PDE4D: variants seen among roughly 807,000 people sequenced by gnomAD.
PDE4D encodes 3',5'-cyclic-AMP phosphodiesterase 4D.
Under a neutral mutation model 87.4 loss-of-function variants are expected in PDE4D, and 24 were observed. That is an observed-to-expected ratio of 0.27 (90% CI 0.20 to 0.39). The LOEUF is 0.39. PDE4D is among the 10% of genes least tolerant of loss of function. PDE4D has a pLI of 1.00. For synonymous variants in PDE4D, 384 were observed against 383.2 expected (o/e 1.00, Z -0.02); for missense variants, 714 against 1,041.0 (o/e 0.69, Z 4.32).
intron 1 of PDE4D, among the ~76,000 whole-genome samples, chr5:59,786,417 G>T (rs992715960): frequency 6.6e-6 from 1 of 152,148 alleles, no homozygotes; most frequent in Non-Finnish European, 1.5e-5. Context: ...AAGCCATAGG[G>T]CATTAAGAAT....
chr5:59,953,252 G>C (rs1365868015), intron 3 of PDE4D, among the ~76,000 whole-genome samples: 1 of 152,048 alleles, frequency 6.6e-6, no homozygotes. Flanking sequence ...GTGAAAATGG[G>C]AATTGGGTTC....
chr5:60,141,674 A>C (rs1780549013), intron 2 of PDE4D, among the ~76,000 whole-genome samples: 1 of 152,130 alleles, frequency 6.6e-6, no homozygotes, highest in African/African-American at 2.4e-5. Flanking sequence ...CTTACTGCTA[A>C]GTCTACTTCT....
At chr5:59,138,350 C>T (rs1468951354) in intron 5 of PDE4D, among the ~76,000 whole-genome samples, 4 of 151,978 alleles carry the variant, frequency 2.6e-5, no homozygotes, top group Non-Finnish European at 5.9e-5. Context: ...TGCAGTGGCA[C>T]GAGCTCAGCT....
At chr5:60,301,950 G>GT (rs916384555) in intron 1 of PDE4D, among the ~76,000 whole-genome samples, 1 of 151,900 alleles carries the variant, frequency 6.6e-6, no homozygotes, top group Admixed American at 6.6e-5. Context: ...TTTGTCTTTA[G>GT]TTTTTTTTAT....
chr5:60,400,537 A>AG lies in PDE4D; in HGVS notation c.-90+87404_-90+87405insC, dbSNP rs1300320601. ...ACTCCATCTCAAAAAAAAAAAAAAA[A>AG]AAAAAAAGAAATATAAATTCTTATC... On this transcript the variant is annotated intron_variant, in intron 1 of 16. Transcript: ENST00000502484. Among the ~76,000 whole-genome samples, 4 of 151,422 alleles carry AG rather than the reference A, an allele frequency of 2.6e-5. 1 individual carries two copies. The highest frequency in any genetic ancestry group is 4.2e-4 in the South Asian group (2 of 4,770).
chr5:60,036,090 T>C (rs1044464132), intron 2 of PDE4D, among the ~76,000 whole-genome samples: 10 of 152,222 alleles, frequency 6.6e-5, no homozygotes, highest in African/African-American at 2.2e-4. Flanking sequence ...TCCTTCATCA[T>C]TACCTGGAAG....
intron 2 of PDE4D, among the ~76,000 whole-genome samples, chr5:60,091,775 G>A (rs1054162772): frequency 3.9e-5 from 6 of 152,076 alleles, no homozygotes; most frequent in South Asian, 2.1e-4. Flanking sequence ...AATGTGGGCC[G>A]GGCGCGGTGG....
chr5:59,510,229 T>C (rs1187065332), intron 1 of PDE4D, among the ~76,000 whole-genome samples: 1 of 151,122 alleles, frequency 6.6e-6, no homozygotes, highest in African/African-American at 2.4e-5. Context: ...TATATGGGAT[T>C]GTCACTAAAG....
chr5:59,864,498 G>T (rs1746731753), intron 1 of PDE4D, among the ~76,000 whole-genome samples: 1 of 152,070 alleles, frequency 6.6e-6, no homozygotes, highest in Admixed American at 6.5e-5. Flanking sequence ...TATTTCACTT[G>T]CCCTTTACCC....
intron 5 of PDE4D, among the ~76,000 whole-genome samples, chr5:59,117,723 T>C (rs1773836634): frequency 2.0e-5 from 3 of 152,180 alleles, no homozygotes; most frequent in Admixed American, 2.0e-4. Flanking sequence ...AAAAGAACTG[T>C]TGAACCAGTG....
intron 1 of PDE4D, among the ~76,000 whole-genome samples, chr5:59,452,914 C>T (rs1039919630): frequency 6.7e-6 from 1 of 150,242 alleles, no homozygotes; most frequent in Non-Finnish European, 1.5e-5. Flanking sequence ...AGGCATATCT[C>T]ATTTTATTGT....
chr5:60,012,987 C>T (rs769395884), intron 2 of PDE4D, among the ~76,000 whole-genome samples: 1 of 152,122 alleles, frequency 6.6e-6, no homozygotes, highest in Non-Finnish European at 1.5e-5. Context: ...CTTGCCTCTG[C>T]GCCCCATAGC....
intron 1 of PDE4D, among the ~76,000 whole-genome samples, chr5:60,358,106 C>G (rs1759766059): frequency 1.3e-5 from 2 of 152,118 alleles, no homozygotes; most frequent in South Asian, 4.2e-4. Flanking sequence ...GAAGGGGAAC[C>G]CAGGCAGTCT....
chr5:59,855,880 T>G (rs1480278257), intron 1 of PDE4D, among the ~76,000 whole-genome samples: 1 of 152,168 alleles, frequency 6.6e-6, no homozygotes, highest in Non-Finnish European at 1.5e-5. Context: ...GAGTCAAGTA[T>G]TCTACGATAT....
chr5:60,472,231 T>C (rs374845232), intron 1 of PDE4D, among the ~76,000 whole-genome samples: 1 of 152,248 alleles, frequency 6.6e-6, no homozygotes, highest in East Asian at 1.9e-4. Context: ...TTCACAATGA[T>C]CCTGTGAGGG....
At chr5:60,407,012 A>T (rs760934103) in intron 1 of PDE4D, among the ~76,000 whole-genome samples, 1 of 152,162 alleles carries the variant, frequency 6.6e-6, no homozygotes, top group East Asian at 1.9e-4. Context: ...AATTGGAAAT[A>T]AGGTAGGGAT....
chr5:60,346,711 A>C (rs186465113), intron 1 of PDE4D, among the ~76,000 whole-genome samples: 2 of 152,258 alleles, frequency 1.3e-5, no homozygotes, highest in Admixed American at 1.3e-4. Flanking sequence ...CTCGGTTTTT[A>C]TATCTATAAA....
At chr5:59,323,735 C>A (rs988053482) in intron 1 of PDE4D, among the ~76,000 whole-genome samples, 1 of 152,112 alleles carries the variant, frequency 6.6e-6, no homozygotes, top group Non-Finnish European at 1.5e-5. Context: ...GTTCTACCTA[C>A]TTTTGGTCTT....
chr5:59,253,848 A>T (rs933437054), intron 1 of PDE4D, among the ~76,000 whole-genome samples: 1 of 152,134 alleles, frequency 6.6e-6, no homozygotes, highest in Non-Finnish European at 1.5e-5. Context: ...GTGAGGAGTG[A>T]TGTCATAGGA....
Sources: gnomAD v4.1 joint callset for allele counts (sites outside exome capture counted in the v4.1 genomes callset) on GRCh38, gnomAD v4.1.1 for gene constraint, MANE v1.5 for transcripts, NCBI Gene and HGNC (gene_info 2026-07-23, HGNC 2026-07-21) for gene names.